Variants in KANK1 observed in about 807,000 individuals in gnomAD.
KANK1 encodes the protein KN motif and ankyrin repeat domain-containing protein 1.
Under a neutral mutation model 106.2 loss-of-function variants are expected in KANK1, and 109 were observed. The ratio of observed to expected loss-of-function variants is 1.03; its 90% CI spans 0.88 to 1.20. The LOEUF is 1.20. KANK1 is among the 50% of genes most tolerant of loss of function. KANK1 has a pLI of 0.00. For synonymous variants in KANK1, 873 were observed against 652.2 expected (o/e 1.34, Z -5.16); for missense variants, 2,399 against 1,710.7 (o/e 1.40, Z -7.10).
chr9:506,170 C>T (rs539750487), intron 1 of KANK1, among the ~76,000 whole-genome samples: 1 of 152,330 alleles, frequency 6.6e-6, no homozygotes, highest in African/African-American at 2.4e-5. Context: ...ATTCTTCCAT[C>T]TCCCAGCCCT....
chr9:546,305 A>T (rs1195150315), intron 1 of KANK1, among the ~76,000 whole-genome samples: 1 of 152,082 alleles, frequency 6.6e-6, no homozygotes, highest in African/African-American at 2.4e-5. Flanking sequence ...GCTGAATCAG[A>T]GAGGGTAGGT....
At chr9:658,596 A>C (rs1433429762) in intron 1 of KANK1, among the ~76,000 whole-genome samples, 9 of 152,106 alleles carry the variant, frequency 5.9e-5, no homozygotes, top group African/African-American at 2.2e-4. Flanking sequence ...AGGTTTTCTT[A>C]AGTTTTATAG....
chr9:686,777 C>T (rs1263919634), intron 2 of KANK1: 1 of 985,382 alleles, frequency 1.0e-6, no homozygotes, highest in Non-Finnish European at 1.2e-6. Flanking sequence ...TGGGCCCAAG[C>T]ATCACACACG....
At chr9:556,913 G>C (rs1486803032) in intron 1 of KANK1, among the ~76,000 whole-genome samples, 2 of 152,146 alleles carry the variant, frequency 1.3e-5, no homozygotes, top group African/African-American at 4.8e-5. Flanking sequence ...TTGGACTCCT[G>C]TTTGAACAAA....
chr9:563,740 A>T (rs113888421), intron 1 of KANK1, among the ~76,000 whole-genome samples: 2 of 152,180 alleles, frequency 1.3e-5, no homozygotes, highest in Non-Finnish European at 2.9e-5. Context: ...CAGAATCTCA[A>T]AATTGCTCTA....
intron 1 of KANK1, among the ~76,000 whole-genome samples, chr9:675,474 CA>C (rs1479645839): frequency 1.8e-4 from 27 of 151,878 alleles, no homozygotes; most frequent in African/African-American, 6.3e-4. Context: ...AAGGTATTTG[CA>C]AAAACCAAAG....
At chr9:527,024 C>T (rs148172907) in intron 1 of KANK1, among the ~76,000 whole-genome samples, 2 of 151,872 alleles carry the variant, frequency 1.3e-5, no homozygotes, top group African/African-American at 2.4e-5. Context: ...ATATTTCCTT[C>T]CTCATACAGC....
chr9:520,850 C>A (rs1006210800), intron 1 of KANK1, among the ~76,000 whole-genome samples: 2 of 151,676 alleles, frequency 1.3e-5, no homozygotes, highest in African/African-American at 4.9e-5. Context: ...CAAGAAGTTA[C>A]ACTTCTTCCT....
intron 2 of KANK1, chr9:471,012 A>G (rs1015073583): frequency 6.6e-6 from 1 of 152,188 alleles, no homozygotes; most frequent in Non-Finnish European, 1.5e-5. Context: ...TGCCAGGGTT[A>G]TTGTTTTGCA....
At chr9:734,695 TA>T in intron 6 of KANK1, 52 bp from the exon 7 acceptor site, 1 of 1,338,012 alleles carries the variant, frequency 7.5e-7, no homozygotes, top group Non-Finnish European at 1.1e-6. Context: ...TGGGTTGAAA[TA>T]AAAATGATTT....
intron 1 of KANK1, among the ~76,000 whole-genome samples, chr9:621,984 A>T (rs1161140623): frequency 2.0e-5 from 3 of 152,148 alleles, no homozygotes; most frequent in South Asian, 2.1e-4. Flanking sequence ...AGAAGAAAAG[A>T]TACTAAGTTT....
intron 3 of KANK1, chr9:495,389 C>G (rs532263315): frequency 6.6e-6 from 1 of 152,184 alleles, no homozygotes; most frequent in East Asian, 1.9e-4. Flanking sequence ...AAGACTCTTA[C>G]GTAACCAGAT....
At chr9:512,230 A>AGTGTGT (rs71678968) in intron 1 of KANK1, among the ~76,000 whole-genome samples, 46 of 136,894 alleles carry the variant, frequency 3.4e-4, no homozygotes, top group African/African-American at 1.1e-3. Context: ...CATAACCAAT[A>AGTGTGT]GTGTGTGTGT....
intron 1 of KANK1, among the ~76,000 whole-genome samples, chr9:583,003 A>G (rs1343685408): frequency 6.6e-6 from 1 of 152,248 alleles, no homozygotes; most frequent in Non-Finnish European, 1.5e-5. Flanking sequence ...TGATATCAGA[A>G]TGACACTTAA....
chr9:651,419 C>G (rs1205205867), intron 1 of KANK1, among the ~76,000 whole-genome samples: 1 of 152,134 alleles, frequency 6.6e-6, no homozygotes, highest in East Asian at 1.9e-4. Context: ...GAAACGTGGC[C>G]TAACAGTGGC....
At chr9:714,332 C>T (rs1315506793) in intron 3 of KANK1, among the ~76,000 whole-genome samples, 2 of 148,444 alleles carry the variant, frequency 1.3e-5, no homozygotes, top group Non-Finnish European at 3.0e-5. Flanking sequence ...GGTGGTCAAA[C>T]TTGGAGAGAA....
At chr9:492,887 G>A in intron 3 of KANK1, among the ~76,000 whole-genome samples, 1 of 152,008 alleles carries the variant, frequency 6.6e-6, no homozygotes, top group East Asian at 1.9e-4. Context: ...AGCCGGGCGT[G>A]GTGACCCTTA....
intron 1 of KANK1, among the ~76,000 whole-genome samples, chr9:505,332 G>C (rs566125178): frequency 3.3e-4 from 50 of 152,298 alleles, no homozygotes; most frequent in South Asian, 2.3e-3. Flanking sequence ...GGCTTCGGCC[G>C]GGGCTGGAGG....
chr9:551,364 T>G (rs965553944), intron 1 of KANK1, among the ~76,000 whole-genome samples: 1 of 152,062 alleles, frequency 6.6e-6, no homozygotes, highest in Admixed American at 6.5e-5. Flanking sequence ...ATAGGCGTGA[T>G]TCCCAAATTT....
Sources: gnomAD v4.1 joint callset for allele counts (sites outside exome capture counted in the v4.1 genomes callset) on GRCh38, gnomAD v4.1.1 for gene constraint, MANE v1.5 for transcripts, NCBI Gene and HGNC (gene_info 2026-07-23, HGNC 2026-07-21) for gene names.